The following NLGN1 variants were observed in gnomAD, a reference collection of about 807,000 sequenced individuals.
NLGN1 encodes the protein neuroligin-1.
NLGN1 carries 12 observed loss-of-function variants against 65.5 expected under a neutral mutation model. The ratio of observed to expected loss-of-function variants is 0.18; its 90% CI spans 0.12 to 0.30. The LOEUF is 0.30. NLGN1 is among the 10% of genes least tolerant of loss of function. The pLI, the probability that NLGN1 is intolerant of heterozygous loss-of-function variation, is 1.00. For synonymous variants in NLGN1, 350 were observed against 359.5 expected, an observed-to-expected ratio of 0.97 and a Z score of 0.30; for missense variants, 750 against 1,007.1, an observed-to-expected ratio of 0.74 and a Z score of 3.46.
intron 4 of NLGN1, among the ~76,000 whole-genome samples, chr3:174,183,347 C>T (rs1182349063): frequency 6.6e-6 from 1 of 152,014 alleles, no homozygotes; most frequent in Non-Finnish European, 1.5e-5. Flanking sequence ...CAAGAGAGCC[C>T]CTATTTTGCA....
chr3:173,455,284 G>A (rs531618275), intron 2 of NLGN1, among the ~76,000 whole-genome samples: 168 of 152,248 alleles, frequency 1.1e-3, no homozygotes, highest in Non-Finnish European at 1.9e-3. Context: ...GAGCAAGGGA[G>A]TAGATGCCAC....
chr3:173,445,287 A>AC (rs1720041227), intron 2 of NLGN1, among the ~76,000 whole-genome samples: 1 of 151,618 alleles, frequency 6.6e-6, no homozygotes, highest in African/African-American at 2.4e-5. Context: ...AAAAAAAAAA[A>AC]AAAAAAAACA....
chr3:173,713,830 C>T (rs1249159735), intron 3 of NLGN1, among the ~76,000 whole-genome samples: 1 of 152,038 alleles, frequency 6.6e-6, no homozygotes, highest in Non-Finnish European at 1.5e-5. Flanking sequence ...AGCTTACTTT[C>T]TATAAAACAA....
Position 173,744,331 on chromosome 3 carries a change from A to G in NLGN1, c.494-63349A>G, listed in dbSNP as rs1017198253. Among the ~76,000 whole-genome samples the G allele has an allele frequency of 2.0e-5, 3 of 152,068 alleles. No homozygotes were observed. The South Asian group carries it at 6.2e-4, about 31-fold the overall frequency. On this transcript the variant is annotated intron_variant, in intron 3 of 6. Transcript: ENST00000457714. ...TCTTCCTTTACACAACATTTATTGA[A>G]TGCCCAGACACTATGCTTAATTTAA...
intron 4 of NLGN1, among the ~76,000 whole-genome samples, chr3:174,131,421 T>C (rs1720162603): frequency 6.6e-6 from 1 of 152,172 alleles, no homozygotes. Context: ...CTCTCTTTAT[T>C]GTGGATGATG....
intron 3 of NLGN1, among the ~76,000 whole-genome samples, chr3:173,768,365 G>A (rs1779074784): frequency 6.6e-6 from 1 of 152,090 alleles, no homozygotes; most frequent in African/African-American, 2.4e-5. Flanking sequence ...GGAGCTGAGA[G>A]AAAACTTGGT....
chr3:173,445,377 G>A (rs1720074261), intron 2 of NLGN1, among the ~76,000 whole-genome samples: 1 of 151,358 alleles, frequency 6.6e-6, no homozygotes, highest in Admixed American at 6.6e-5. Context: ...AAAATGACCT[G>A]TTCCTTAGGT....
intron 4 of NLGN1, among the ~76,000 whole-genome samples, chr3:174,029,840 T>C (rs954865547): frequency 3.3e-5 from 5 of 152,186 alleles, no homozygotes; most frequent in African/African-American, 7.2e-5. Context: ...ACAAGCTATC[T>C]TGCCTACCAG....
chr3:174,146,577 T>A (rs573662804), intron 4 of NLGN1, among the ~76,000 whole-genome samples: 17 of 152,216 alleles, frequency 1.1e-4, no homozygotes, highest in African/African-American at 3.4e-4. Flanking sequence ...AATCTTTTTT[T>A]TTTTTTTTAG....
intron 4 of NLGN1, among the ~76,000 whole-genome samples, chr3:174,022,814 C>T (rs1015226464): frequency 6.6e-6 from 1 of 151,990 alleles, no homozygotes; most frequent in Non-Finnish European, 1.5e-5. Context: ...TACCATTGTC[C>T]TTCCAAACCT....
chr3:173,465,641 G>A (rs558629458), intron 2 of NLGN1, among the ~76,000 whole-genome samples: 1 of 152,284 alleles, frequency 6.6e-6, no homozygotes, highest in Admixed American at 6.5e-5. Context: ...GGTAAGAGAT[G>A]AAGTCATATT....
At chr3:174,034,919 T>C (rs1730799677) in intron 4 of NLGN1, among the ~76,000 whole-genome samples, 1 of 152,138 alleles carries the variant, frequency 6.6e-6, no homozygotes, top group Admixed American at 6.6e-5. Context: ...AAGACTTATG[T>C]GTTTAAATAT....
chr3:174,195,300 C>G (rs1329153812), intron 4 of NLGN1, among the ~76,000 whole-genome samples: 1 of 152,094 alleles, frequency 6.6e-6, no homozygotes, highest in Non-Finnish European at 1.5e-5. Flanking sequence ...AGTTTAAGAT[C>G]TCTATTTTAG....
chr3:174,133,464 C>T (rs1720593126), intron 4 of NLGN1, among the ~76,000 whole-genome samples: 2 of 152,144 alleles, frequency 1.3e-5, no homozygotes, highest in Non-Finnish European at 1.5e-5. Context: ...TTAATTAACG[C>T]CTGGGTTACC....
At position 173,861,258 on chromosome 3, in the gene NLGN1, CTCTTA is replaced by C. The variant is rs1303805516; in HGVS notation, c.646+53431_646+53435del. Among the ~76,000 whole-genome samples, 5 of 151,644 alleles carry C rather than the reference CTCTTA, an allele frequency of 3.3e-5. No individual in the cohort carries two copies. In the East Asian group the frequency reaches 5.8e-4, roughly 18 times the overall value. ...GAGTTTGAAAAAAATATTTAGTTTT[CTCTTA>C]TCTTTCATACTGTAAATTTAATGTG... On this transcript the variant is annotated intron_variant, in intron 4 of 6. Transcript: ENST00000457714.
At chr3:173,664,386 C>A (rs1466972151) in intron 3 of NLGN1, among the ~76,000 whole-genome samples, 1 of 151,982 alleles carries the variant, frequency 6.6e-6, no homozygotes, top group African/African-American at 2.4e-5. Context: ...AATGAAGAAT[C>A]CTAAATGGAA....
rs3980148 is a variant in NLGN1, at chr3:173,544,259, C to CGTGTGTGTGTGTGTGTGT, written c.-320-60004_-320-59987dup. On this transcript the variant is annotated intron_variant, in intron 2 of 6. Transcript: ENST00000457714. ...GTAGTAAAGTACCAAGATTATATTA[C>CGTGTGTGTGTGTGTGTGT]GTGTGTGTGTGTGTGTGTGTGTGTG... Among the ~76,000 whole-genome samples, 352 of 144,208 alleles carry CGTGTGTGTGTGTGTGTGT rather than the reference C, an allele frequency of 2.4e-3. 4 individuals are homozygous for CGTGTGTGTGTGTGTGTGT. The highest frequency in any genetic ancestry group is 8.8e-3 in the African/African-American group (337 of 38,314). The allele number at this position is 144,208 out of a possible 152,430, so 94.6% of individuals were successfully genotyped here.
intron 3 of NLGN1, among the ~76,000 whole-genome samples, chr3:173,753,323 T>C (rs370927043): frequency 1.3e-5 from 2 of 152,288 alleles, no homozygotes; most frequent in East Asian, 3.9e-4. Context: ...AAACTCAACA[T>C]ACCCAAACTC....
Position 173,830,013 on chromosome 3 carries a change from G to A in NLGN1, c.646+22181G>A, listed in dbSNP as rs879701195. ...AGAATTACAGTGGGTAGTGTGGGGG[G>A]GGGAGGGAGAGAATAAAAAGAAGTC... On this transcript the variant is annotated intron_variant, in intron 4 of 6. Transcript: ENST00000457714. Among the ~76,000 whole-genome samples the A allele has an allele frequency of 3.6e-3, 515 of 143,978 alleles. 8 individuals carry two copies. Among genetic ancestry groups the A allele is most frequent in the African/African-American group, 0.013 (486 of 37,952 alleles). 94.5% of individuals were successfully genotyped at this position (143,978 alleles called of 152,430 possible).
Sources: gnomAD v4.1 joint callset for allele counts (sites outside exome capture counted in the v4.1 genomes callset) on GRCh38, gnomAD v4.1.1 for gene constraint, MANE v1.5 for transcripts, NCBI Gene and HGNC (gene_info 2026-07-23, HGNC 2026-07-21) for gene names.